Variants in FAM178B observed in about 807,000 individuals in gnomAD.
FAM178B encodes family with sequence similarity 178 member B.
A neutral mutation model predicts 91.7 loss-of-function variants in FAM178B; 82 were observed. That is an observed-to-expected ratio of 0.89 (90% confidence interval 0.75 to 1.07). The LOEUF (loss-of-function observed/expected upper bound fraction) is 1.07. Among genes scored for constraint, FAM178B ranks in the 50% least tolerant of loss-of-function variants. The pLI is 0.00. For missense variants in FAM178B, 769 were observed against 846.7 expected (o/e 0.91, Z 1.14); for synonymous variants, 368 against 359.4 (o/e 1.02, Z -0.27).
intron 14 of FAM178B, among the ~76,000 whole-genome samples, chr2:96,885,868 C>G (rs562745183): frequency 6.6e-6 from 1 of 152,170 alleles, no homozygotes; most frequent in African/African-American, 2.4e-5. Context: ...TAAGAGTTCA[C>G]GCCAGTACAC....
chr2:96,971,731 T>C (rs550128513), intron 3 of FAM178B, among the ~76,000 whole-genome samples, 170 bp downstream of exon 3: 22 of 152,294 alleles, frequency 1.4e-4, no homozygotes, highest in African/African-American at 5.3e-4. Flanking sequence ...CTTGGGGGCC[T>C]GCGCTTCCAG....
intron 3 of FAM178B, 103 bp downstream of exon 3, chr2:96,971,791 GGAAGAGC>G: frequency 9.2e-7 from 1 of 1,090,438 alleles, no homozygotes; most frequent in South Asian, 2.0e-5. Flanking sequence ...AAGTGTCCGA[GGAAGAGC>G]AGCTGGGGCG....
At chr2:96,969,060 A>C (rs2082183241) in intron 4 of FAM178B, among the ~76,000 whole-genome samples, 1 of 152,218 alleles carries the variant, frequency 6.6e-6, no homozygotes, top group Non-Finnish European at 1.5e-5. Context: ...ACTCCGGGTT[A>C]AGTTAGGTGT....
At chr2:96,947,415 C>A (rs2081847921) in intron 8 of FAM178B, among the ~76,000 whole-genome samples, 1 of 152,188 alleles carries the variant, frequency 6.6e-6, no homozygotes, top group African/African-American at 2.4e-5. Context: ...GTGACTCCAA[C>A]CCAAGGAGCA....
At chr2:96,929,619 C>T (rs973139240) in intron 8 of FAM178B, among the ~76,000 whole-genome samples, 4 of 152,220 alleles carry the variant, frequency 2.6e-5, no homozygotes, top group Admixed American at 2.0e-4. Flanking sequence ...TCAGGGTGCT[C>T]GGCTGCCCAC....
intron 14 of FAM178B, among the ~76,000 whole-genome samples, chr2:96,881,406 G>GTC (rs1351573711): frequency 6.6e-6 from 1 of 152,090 alleles, no homozygotes; most frequent in Non-Finnish European, 1.5e-5. Context: ...GCTGGGGAAG[G>GTC]CACCCTGGGC....
intron 3 of FAM178B, 68 bp from the exon 4 acceptor site, chr2:96,970,845 A>T: frequency 9.3e-7 from 1 of 1,075,418 alleles, no homozygotes. Context: ...AAAAGAAAAA[A>T]AACTAAATTA....
intron 12 of FAM178B, among the ~76,000 whole-genome samples, chr2:96,911,641 T>G (rs961213284): frequency 2.6e-5 from 4 of 152,152 alleles, no homozygotes; most frequent in African/African-American, 9.7e-5. Flanking sequence ...GTGGAGCTGG[T>G]GGAGAAAGCC....
At chr2:96,911,160 C>G (rs549011913) in intron 12 of FAM178B, among the ~76,000 whole-genome samples, 10 of 152,274 alleles carry the variant, frequency 6.6e-5, no homozygotes, top group African/African-American at 2.4e-4. Flanking sequence ...GAGTGAGTCC[C>G]CCTGCCATGC....
intron 6 of FAM178B, among the ~76,000 whole-genome samples, chr2:96,954,671 G>A (rs1447083708): frequency 6.6e-6 from 1 of 152,232 alleles, no homozygotes; most frequent in African/African-American, 2.4e-5. Flanking sequence ...ACTCAAATCA[G>A]TCTGAATAAA....
intron 12 of FAM178B, among the ~76,000 whole-genome samples, chr2:96,916,414 G>A (rs1393281934): frequency 2.0e-5 from 3 of 152,196 alleles, no homozygotes; most frequent in Non-Finnish European, 4.4e-5. Flanking sequence ...GGCAGCCTGC[G>A]GGAGCTGGCT....
intron 6 of FAM178B, among the ~76,000 whole-genome samples, chr2:96,952,685 C>T (rs1168073386): frequency 1.3e-5 from 2 of 152,166 alleles, no homozygotes; most frequent in African/African-American, 4.8e-5. Context: ...TCCTGAGCTC[C>T]TGGTCATCCC....
intron 14 of FAM178B, among the ~76,000 whole-genome samples, chr2:96,892,914 C>T (rs1399425126): frequency 6.6e-6 from 1 of 152,222 alleles, no homozygotes; most frequent in Non-Finnish European, 1.5e-5. Flanking sequence ...GCAGACAGCT[C>T]ACGCTCTCCT....
intron 8 of FAM178B, among the ~76,000 whole-genome samples, chr2:96,931,607 C>T (rs562431876): frequency 2.4e-4 from 37 of 152,172 alleles, no homozygotes; most frequent in African/African-American, 6.7e-4. Flanking sequence ...AGGGCTGCTG[C>T]GGGGTGGGGA....
At chr2:96,898,109 C>T (rs2080857405) in intron 13 of FAM178B, 5 of 985,776 alleles carry the variant, frequency 5.1e-6, no homozygotes, top group Non-Finnish European at 6.0e-6. Flanking sequence ...TCTGCTCCTA[C>T]ACCAGTCAAT....
At chr2:96,968,957 C>T (rs906257788) in intron 4 of FAM178B, among the ~76,000 whole-genome samples, 3 of 152,146 alleles carry the variant, frequency 2.0e-5, no homozygotes, top group Non-Finnish European at 2.9e-5. Flanking sequence ...CTGTCTTATC[C>T]ACCTTTACAT....
At chr2:96,935,929 C>A (rs181689292) in intron 8 of FAM178B, among the ~76,000 whole-genome samples, 67 of 152,106 alleles carry the variant, frequency 4.4e-4, no homozygotes, top group African/African-American at 1.5e-3. Context: ...AGCCACCACG[C>A]CTGGCCATTT....
At chr2:96,887,947 C>A (rs931106863) in intron 14 of FAM178B, among the ~76,000 whole-genome samples, 3 of 152,114 alleles carry the variant, frequency 2.0e-5, no homozygotes, top group African/African-American at 7.2e-5. Context: ...CCTGCCTCCG[C>A]AGCTTAACTC....
At chr2:96,965,188 C>G (rs1323435708) in intron 5 of FAM178B, among the ~76,000 whole-genome samples, 1 of 151,876 alleles carries the variant, frequency 6.6e-6, no homozygotes, top group African/African-American at 2.4e-5. Context: ...TTAGTAGAGA[C>G]AGGGTTCAGG....
Sources: gnomAD v4.1 joint callset for allele counts (sites outside exome capture counted in the v4.1 genomes callset) on GRCh38, gnomAD v4.1.1 for gene constraint, MANE v1.5 for transcripts, NCBI Gene and HGNC (gene_info 2026-07-23, HGNC 2026-07-21) for gene names.